MAP2: variants seen among roughly 807,000 people sequenced by gnomAD.
The protein encoded by MAP2 is microtubule-associated protein 2.
A neutral mutation model predicts 137.6 loss-of-function variants in MAP2; 14 were observed. The observed-to-expected ratio is 0.10, with a 90% confidence interval of 0.07 to 0.16. The LOEUF (loss-of-function observed/expected upper bound fraction) is 0.16. Among genes scored for constraint, MAP2 ranks in the 10% least tolerant of loss-of-function variants. The pLI, the probability that MAP2 is intolerant of heterozygous loss-of-function variation, is 1.00. For missense variants in MAP2, 2,088 were observed against 2,191.5 expected, an observed-to-expected ratio of 0.95 and a Z score of 0.94; for synonymous variants, 786 against 782.3, an observed-to-expected ratio of 1.00 and a Z score of -0.08.
chr2:209,518,065 T>G (rs1190940439), intron 2 of MAP2, among the ~76,000 whole-genome samples: 1 of 152,034 alleles, frequency 6.6e-6, no homozygotes, highest in Non-Finnish European at 1.5e-5. Flanking sequence ...CTTTCAGAAT[T>G]AAATCTTGGC....
intron 2 of MAP2, among the ~76,000 whole-genome samples, chr2:209,567,055 C>G (rs2073589077): frequency 6.6e-6 from 1 of 152,106 alleles, no homozygotes; most frequent in Admixed American, 6.6e-5. Context: ...ACATTTGATT[C>G]ACTTTTCTTT....
rs542142892 is a variant in MAP2 at position 209,588,003 on chromosome 2, G to A, written c.-107+7903G>A. Among the ~76,000 whole-genome samples, 3 of 152,320 alleles carry A rather than the reference G, an allele frequency of 2.0e-5. No homozygotes were observed. The South Asian group carries it at 6.2e-4, about 32-fold the overall frequency. ...AGAACACTTAGGCAAGGTCCTTGAG[G>A]AGAGAAGCCATGTTAACAGGCACCT... On this transcript the variant is annotated intron_variant, in intron 3 of 15. Transcript: ENST00000682079.
chr2:209,657,492 T>A (rs1352124577), intron 5 of MAP2, among the ~76,000 whole-genome samples: 2 of 152,226 alleles, frequency 1.3e-5, no homozygotes, highest in Admixed American at 6.5e-5. Flanking sequence ...AGATGATATC[T>A]CATTGTGGTT....
intron 2 of MAP2, among the ~76,000 whole-genome samples, chr2:209,573,457 C>T (rs1248594511): frequency 6.6e-6 from 1 of 151,834 alleles, no homozygotes; most frequent in Non-Finnish European, 1.5e-5. Flanking sequence ...CCACACCCAG[C>T]TAATTTTTGT....
intron 13 of MAP2, among the ~76,000 whole-genome samples, chr2:209,711,706 A>T (rs10932305): frequency 0.12 from 18,105 of 152,194 alleles, 1,395 homozygotes; most frequent in East Asian, 0.22. Flanking sequence ...CAAATGTTGC[A>T]TCATCTTTAT....
chr2:209,473,254 A>G (rs1160037535), intron 1 of MAP2, among the ~76,000 whole-genome samples: 1 of 152,156 alleles, frequency 6.6e-6, no homozygotes, highest in African/African-American at 2.4e-5. Flanking sequence ...TTGGTGGCAA[A>G]TAATTATACT....
intron 13 of MAP2, among the ~76,000 whole-genome samples, chr2:209,719,796 T>C (rs1363887079): frequency 1.3e-5 from 2 of 152,216 alleles, no homozygotes; most frequent in African/African-American, 4.8e-5. Context: ...TCTAATGAAT[T>C]TTTTAATGTC....
At chr2:209,462,900 G>C (rs1302898912) in intron 1 of MAP2, among the ~76,000 whole-genome samples, 5 of 152,012 alleles carry the variant, frequency 3.3e-5, no homozygotes, top group Admixed American at 6.6e-5. Context: ...AGGCTTTTGG[G>C]AGCCCAATCT....
intron 2 of MAP2, among the ~76,000 whole-genome samples, chr2:209,563,122 T>C (rs2072561791): frequency 6.6e-6 from 1 of 152,170 alleles, no homozygotes. Flanking sequence ...AGAATCAGTT[T>C]TGATTATATA....
chr2:209,670,956 C>A (rs1271622593), intron 5 of MAP2, among the ~76,000 whole-genome samples: 2 of 151,926 alleles, frequency 1.3e-5, no homozygotes, highest in Non-Finnish European at 2.9e-5. Context: ...TTGTCTATAG[C>A]AGGTGCAAAA....
chr2:209,573,298 G>GGTTTT (rs770132978), intron 2 of MAP2, among the ~76,000 whole-genome samples: 2 of 120,064 alleles, frequency 1.7e-5, no homozygotes, highest in African/African-American at 3.3e-5. Context: ...TTCTTTTTCT[G>GGTTTT]TTTTTTTTTT....
At chr2:209,665,428 A>G (rs940989258) in intron 5 of MAP2, among the ~76,000 whole-genome samples, 1 of 152,184 alleles carries the variant, frequency 6.6e-6, no homozygotes, top group Admixed American at 6.5e-5. Flanking sequence ...CTGTAAATGG[A>G]ACTCTATAAT....
chr2:209,454,865 G>T (rs963888050), intron 1 of MAP2, among the ~76,000 whole-genome samples: 1 of 152,132 alleles, frequency 6.6e-6, no homozygotes, highest in Admixed American at 6.5e-5. Context: ...AAATACCATA[G>T]ATTGTGTGTC....
chr2:209,473,992 TTCA>T (rs1706490726), intron 1 of MAP2, among the ~76,000 whole-genome samples: 1 of 152,222 alleles, frequency 6.6e-6, no homozygotes, highest in East Asian at 1.9e-4. Flanking sequence ...TCTGTGTGGT[TTCA>T]CCACTTAAGG....
chr2:209,602,782 A>G (rs1417681695), intron 3 of MAP2, among the ~76,000 whole-genome samples: 1 of 152,230 alleles, frequency 6.6e-6, no homozygotes, highest in African/African-American at 2.4e-5. Flanking sequence ...AAATATGAAG[A>G]GCTGCCTGTG....
chr2:209,569,672 A>G (rs1017599982), intron 2 of MAP2, among the ~76,000 whole-genome samples: 12 of 151,858 alleles, frequency 7.9e-5, no homozygotes, highest in African/African-American at 2.9e-4. Context: ...AAAAGTGTCC[A>G]CACCAAAATT....
At position 209,694,645 on chromosome 2, in the gene MAP2, T is replaced by G. The variant is rs1271747053; in HGVS notation, c.2475T>G (p.Asp825Glu). 6.2e-7 allele frequency: 1 copy of G among 1,614,158 alleles called. No homozygotes were observed. The highest frequency in any genetic ancestry group is 8.5e-7 in the Non-Finnish European group (1 of 1,180,022). Residue 825 changes from aspartate to glutamate, a missense_variant, in exon 8 of 16, where the codon GAT (aspartate) becomes GAG (glutamate). Around this residue, in one of 6 missense-constraint regions of MAP2, gnomAD observed 500 missense variants for 482.9 expected, o/e 1.04. Transcript: ENST00000682079. ...CAAGATTGGCTTCTGTGAGTGCAGA[T>G]GCTGAGGTTGCCAGGAGGAAATCAG... Reference protein sequence around the residue: ...TRSRLASVSADAEVARRKSVP... With the variant: ...TRSRLASVSAEAEVARRKSVP...
At chr2:209,632,673 G>A (rs949494212) in intron 4 of MAP2, among the ~76,000 whole-genome samples, 1 of 152,006 alleles carries the variant, frequency 6.6e-6, no homozygotes, top group African/African-American at 2.4e-5. Context: ...TGCTCTTCCT[G>A]GCACCCAAAG....
chr2:209,708,187 A>G (rs2064092125), intron 12 of MAP2, among the ~76,000 whole-genome samples: 1 of 152,194 alleles, frequency 6.6e-6, no homozygotes, highest in South Asian at 2.1e-4. Context: ...TCTACGTTAC[A>G]AACTTAGTCC....
Sources: gnomAD v4.1 joint callset for allele counts (sites outside exome capture counted in the v4.1 genomes callset) on GRCh38, gnomAD v4.1.1 for gene constraint, gnomAD v4.1.1 regional missense constraint, MANE v1.5 for transcripts, NCBI Gene and HGNC (gene_info 2026-07-23, HGNC 2026-07-21) for gene names.